CLIC5: variants seen among roughly 807,000 people sequenced by gnomAD.
CLIC5 encodes the protein chloride intracellular channel protein 5.
Under a neutral mutation model 24.7 loss-of-function variants are expected in CLIC5, and 20 were observed. That is an observed-to-expected ratio of 0.81 (90% confidence interval 0.57 to 1.18). The LOEUF is 1.18. Ranked by LOEUF, CLIC5 falls within the 50% of genes most tolerant of loss-of-function variation. The pLI, the probability that CLIC5 is intolerant of heterozygous loss-of-function variation, is 0.00. For synonymous variants in CLIC5, 159 were observed against 135.6 expected (o/e 1.17, Z -1.20); for missense variants, 341 against 326.1 (o/e 1.05, Z -0.35).
chr6:46,120,079 G>A, the CLIC5 span, among the ~76,000 whole-genome samples: 4 of 152,228 alleles, frequency 2.6e-5, no homozygotes, highest in African/African-American at 4.8e-5. Flanking sequence ...GCTTTGAAGA[G>A]AGTAGTGGTT....
intron 1 of CLIC5, among the ~76,000 whole-genome samples, chr6:46,061,088 C>A (rs776271802): frequency 1.3e-5 from 2 of 152,220 alleles, no homozygotes; most frequent in Non-Finnish European, 2.9e-5. Context: ...GAGGCTCATT[C>A]TTGCAGCTAT....
At chr6:45,967,078 C>T (rs1321145567) in intron 1 of CLIC5, among the ~76,000 whole-genome samples, 1 of 152,198 alleles carries the variant, frequency 6.6e-6, no homozygotes, top group African/African-American at 2.4e-5. Flanking sequence ...CTCTAGTCAG[C>T]CATGGTGAAA....
chr6:45,968,722 TG>T (rs1463305972), intron 1 of CLIC5, among the ~76,000 whole-genome samples: 1 of 152,244 alleles, frequency 6.6e-6, no homozygotes, highest in Non-Finnish European at 1.5e-5. Flanking sequence ...GTTTTAGCTT[TG>T]CCGTTAATAT....
chr6:45,995,844 C>T (rs1382357284), intron 1 of CLIC5, among the ~76,000 whole-genome samples: 1 of 152,100 alleles, frequency 6.6e-6, no homozygotes, highest in Non-Finnish European at 1.5e-5. Flanking sequence ...CCATTATCCT[C>T]AGCAAGCTAA....
chr6:46,069,326 A>C (rs1459605704), intron 1 of CLIC5, among the ~76,000 whole-genome samples: 1 of 152,158 alleles, frequency 6.6e-6, no homozygotes. Flanking sequence ...AAAGAAGCAC[A>C]TGTGAAAGAG....
At chr6:46,086,772 G>A in the CLIC5 span, among the ~76,000 whole-genome samples, 30 of 152,252 alleles carry the variant, frequency 2.0e-4, no homozygotes, top group Non-Finnish European at 2.9e-4. Flanking sequence ...CTGGCACATC[G>A]TAGCATGATA....
intron 1 of CLIC5, among the ~76,000 whole-genome samples, chr6:45,969,470 C>G (rs1028438659): frequency 1.7e-5 from 2 of 115,362 alleles, no homozygotes; most frequent in African/African-American, 6.7e-5. Context: ...CCTGCTCTAT[C>G]CAACTCCTTC....
At chr6:46,008,659 C>T (rs3777623) in intron 1 of CLIC5, among the ~76,000 whole-genome samples, 1 of 151,996 alleles carries the variant, frequency 6.6e-6, no homozygotes, top group South Asian at 2.1e-4. Flanking sequence ...CATTCTTTAT[C>T]TTACTATCTC....
At chr6:46,032,143 C>T (rs902078090) in intron 1 of CLIC5, among the ~76,000 whole-genome samples, 2 of 151,990 alleles carry the variant, frequency 1.3e-5, no homozygotes, top group Admixed American at 6.6e-5. Flanking sequence ...CTGAGAAGGC[C>T]TCAGGAAACT....
In CLIC5 at chr6:45,920,144, A is replaced by G; in HGVS notation, c.407-5735T>C. 3.1e-6 allele frequency: 3 copies of G among 973,816 alleles called. No homozygotes were observed. In the South Asian group the frequency reaches 1.4e-4, roughly 46 times the overall value. 60.3% of individuals were successfully genotyped at this position (973,816 alleles called of 1,614,324 possible). A position where few individuals can be genotyped will look rare whatever the true frequency, so the allele number is the denominator to read the frequency against. On this transcript the variant is annotated intron_variant, in intron 4 of 5. Transcript: ENST00000339561. Reference sequence around the variant, plus strand: ...GCCTTACCTTCCAACTAATTTGGTAACATATTTGTGTTCTGCTACCAGTGC... The same window carrying G: ...GCCTTACCTTCCAACTAATTTGGTAGCATATTTGTGTTCTGCTACCAGTGC...
At chr6:46,114,678 A>C in the CLIC5 span, among the ~76,000 whole-genome samples, 1 of 152,140 alleles carries the variant, frequency 6.6e-6, no homozygotes, top group Non-Finnish European at 1.5e-5. Flanking sequence ...TGCCTATTCT[A>C]ACAGTTCTTC....
Position 45,914,304 on chromosome 6 carries a change from G to A in CLIC5, c.512C>T (p.Ser171Phe), listed in dbSNP as rs764132378. 4 of 1,607,288 alleles carry A rather than the reference G, an allele frequency of 2.5e-6. No homozygotes were observed. Among genetic ancestry groups the A allele is most frequent in the Admixed American group, 1.7e-5 (1 of 59,694 alleles). Residue 171 changes from serine to phenylalanine, a missense_variant, in exon 5 of 6, where the codon TCC (serine) becomes TTC (phenylalanine). Coordinates refer to ENST00000339561, the MANE Select transcript of CLIC5 (RefSeq NM_016929.5). ...DANTCGEDKG[S>F]RRKFLDGDEL... ...ATCCCCATCCAGGAACTTGCGCCGG[G>A]ACCCCTTGTCTTCCCCACAAGTGTT... is the stretch of plus-strand genomic sequence containing the variant.
chr6:45,916,001 G>A (rs2127316342), intron 4 of CLIC5, among the ~76,000 whole-genome samples: 1 of 152,310 alleles, frequency 6.6e-6, no homozygotes, highest in Non-Finnish European at 1.5e-5. Context: ...ACTGCCTTCT[G>A]GAGGCAAAGC....
At chr6:46,099,460 C>T in the CLIC5 span, among the ~76,000 whole-genome samples, 3 of 152,140 alleles carry the variant, frequency 2.0e-5, no homozygotes. Context: ...ATTGGCTTCC[C>T]TGATGTATTT....
intron 6 of CLIC5, among the ~76,000 whole-genome samples, chr6:45,885,174 C>T (rs373900862): frequency 1.3e-5 from 2 of 152,110 alleles, no homozygotes; most frequent in African/African-American, 2.4e-5. Context: ...GGAAGTGGGG[C>T]CTTTGAGAGG....
At chr6:45,907,027 C>T (rs1026767227) in intron 5 of CLIC5, among the ~76,000 whole-genome samples, 1 of 152,160 alleles carries the variant, frequency 6.6e-6, no homozygotes, top group African/African-American at 2.4e-5. Context: ...TTTATCTTGC[C>T]TGATTGCTCT....
the CLIC5 span, chr6:46,122,823 G>T: frequency 6.6e-6 from 1 of 152,068 alleles, no homozygotes; most frequent in South Asian, 2.1e-4. Flanking sequence ...ATAAACTAGA[G>T]AATCTAGAAG....
At chr6:45,955,305 A>T in intron 1 of CLIC5, 61 bp from the exon 2 acceptor site, 1 of 1,211,612 alleles carries the variant, frequency 8.3e-7, no homozygotes. Context: ...GGAACATAAG[A>T]TTGTAACACC....
intron 1 of CLIC5, among the ~76,000 whole-genome samples, chr6:46,062,193 A>C (rs959092939): frequency 1.1e-4 from 17 of 152,210 alleles, no homozygotes; most frequent in African/African-American, 3.9e-4. Context: ...GTTTATAGAG[A>C]GCTGCTATTG....
Sources: allele counts gnomAD v4.1 joint callset (sites outside exome capture counted in the v4.1 genomes callset), GRCh38; gene constraint gnomAD v4.1.1; transcripts MANE v1.5; gene names NCBI Gene and HGNC (gene_info 2026-07-23, HGNC 2026-07-21).